Variants in ZBTB16 observed in about 807,000 individuals in gnomAD.
The protein encoded by ZBTB16 is zinc finger and BTB domain-containing protein 16.
ZBTB16 carries 8 observed loss-of-function variants against 56.8 expected under a neutral mutation model. The observed-to-expected ratio is 0.14, with a 90% confidence interval of 0.08 to 0.25. The LOEUF is 0.25. ZBTB16 is among the 10% of genes least tolerant of loss of function. The pLI, the probability that ZBTB16 is intolerant of heterozygous loss-of-function variation, is 1.00. For synonymous variants in ZBTB16, 363 were observed against 368.5 expected, an observed-to-expected ratio of 0.98 and a Z score of 0.17; for missense variants, 625 against 903.0, an observed-to-expected ratio of 0.69 and a Z score of 3.95.
At chr11:114,214,477 T>C (rs1319813088) in intron 4 of ZBTB16, among the ~76,000 whole-genome samples, 2 of 152,364 alleles carry the variant, frequency 1.3e-5, no homozygotes, top group East Asian at 3.9e-4. Context: ...TTGTATTAAC[T>C]CTCACAGCAG....
intron 2 of ZBTB16, among the ~76,000 whole-genome samples, chr11:114,140,418 G>A (rs1941915549): frequency 6.6e-6 from 1 of 152,150 alleles, no homozygotes; most frequent in African/African-American, 2.4e-5. Flanking sequence ...TTATGCTTTG[G>A]TTGTATCCTT....
intron 2 of ZBTB16, among the ~76,000 whole-genome samples, chr11:114,065,447 G>T (rs577021358): frequency 6.6e-5 from 10 of 151,282 alleles, no homozygotes; most frequent in African/African-American, 1.7e-4. Flanking sequence ...GTGAAGTTTC[G>T]CTCTCCTTGC....
Position 114,123,033 on chromosome 11 carries a change from G to A in ZBTB16, c.1269-33304G>A, listed in dbSNP as rs143582769. Among the ~76,000 whole-genome samples, 17 of 152,230 alleles carry A rather than the reference G, an allele frequency of 1.1e-4. No homozygotes were observed. The East Asian group carries it at 3.3e-3, about 29-fold the overall frequency. On this transcript the variant is annotated intron_variant, in intron 2 of 6. Coordinates refer to ENST00000335953, the MANE Select transcript of ZBTB16 (RefSeq NM_006006.6). The stretch of plus-strand genomic sequence containing the variant: ...GGGCTCTTTTTCTAGCTTGTTGATG[G>A]CCTCCTTCTCGCCGAGTCCTCCCAG...
At chr11:114,067,049 T>G (rs1371533795) in intron 2 of ZBTB16, among the ~76,000 whole-genome samples, 1 of 152,094 alleles carries the variant, frequency 6.6e-6, no homozygotes, top group Non-Finnish European at 1.5e-5. Context: ...GGATTACAGC[T>G]GTGAGCCACC....
intron 4 of ZBTB16, among the ~76,000 whole-genome samples, chr11:114,206,671 T>A (rs1256085112): frequency 2.0e-5 from 3 of 152,252 alleles, no homozygotes; most frequent in African/African-American, 7.2e-5. Flanking sequence ...AAATTAGGGC[T>A]CAGCCCGCTT....
intron 4 of ZBTB16, among the ~76,000 whole-genome samples, chr11:114,240,382 T>C (rs1260170590): frequency 1.3e-5 from 2 of 152,156 alleles, no homozygotes. Flanking sequence ...CTCTTCCCCC[T>C]ACCTTCCACC....
In ZBTB16 at chr11:114,255,419, CTCTT is replaced by C. The variant is rs3839948; in HGVS notation, c.*4868_*4871del. Among the ~76,000 whole-genome samples the C allele has an allele frequency of 0.35, 52,147 of 150,462 alleles. 9,815 individuals carry two copies. Among genetic ancestry groups the C allele is most frequent in the East Asian group, 0.63 (3,137 of 4,994 alleles). On this transcript the variant is annotated 3_prime_UTR_variant, in exon 7 of 7. Coordinates refer to ENST00000335953, the MANE Select transcript of ZBTB16 (RefSeq NM_006006.6). ...TTTTTGTACAAATCAATCTCTTTCT[CTCTT>C]TCTCTCCTCCCCACCTCTCACCCTT...
At chr11:114,218,311 T>C (rs1465725547) in intron 4 of ZBTB16, among the ~76,000 whole-genome samples, 1 of 152,162 alleles carries the variant, frequency 6.6e-6, no homozygotes, top group African/African-American at 2.4e-5. Context: ...TCTGTCGCAT[T>C]GTCTGGAGGG....
In ZBTB16 at chr11:114,242,252, G is replaced by A. The variant is rs1226441063; in HGVS notation, c.1539G>A (p.Ala513=). 5 of 1,614,046 alleles carry A rather than the reference G, an allele frequency of 3.1e-6. No individual in the cohort carries two copies. The highest frequency in any genetic ancestry group is 2.2e-5 in the East Asian group (1 of 44,888). ...TGCAGCAGCACATGGAGGTCCACGCGGGCGTGCGCAGCTACATCTGCAGTG... is the reference window on the plus strand; with the variant it reads ...TGCAGCAGCACATGGAGGTCCACGCAGGCGTGCGCAGCTACATCTGCAGTG... ...SALQQHMEVH[A]GVRSYICSEC... The change falls in exon 5 of 7, where the codon GCG becomes GCA. Residue 513 remains alanine (A), a synonymous_variant. Coordinates refer to ENST00000335953, the MANE Select transcript of ZBTB16 (RefSeq NM_006006.6).
At chr11:114,207,850 G>T (rs1036789988) in intron 4 of ZBTB16, among the ~76,000 whole-genome samples, 1 of 152,194 alleles carries the variant, frequency 6.6e-6, no homozygotes. Flanking sequence ...CTGACCTCAA[G>T]TGATCCTCCT....
intron 1 of ZBTB16, among the ~76,000 whole-genome samples, chr11:114,062,054 A>AG (rs1490456140): frequency 2.0e-5 from 3 of 151,730 alleles, no homozygotes; most frequent in Admixed American, 1.3e-4. Flanking sequence ...TGTGGGCAGG[A>AG]GGGTAGGTAC....
chr11:114,209,644 C>T, intron 4 of ZBTB16: 1 of 985,416 alleles, frequency 1.0e-6, no homozygotes, highest in Non-Finnish European at 1.2e-6. Flanking sequence ...TGACTATTCC[C>T]CCAACCAGGG....
intron 5 of ZBTB16, among the ~76,000 whole-genome samples, chr11:114,244,632 T>C (rs78213677): frequency 6.7e-6 from 1 of 148,150 alleles, no homozygotes; most frequent in East Asian, 2.0e-4. Flanking sequence ...TTTTTCTTTC[T>C]TTTTTTTTTG....
rs529557517 is a variant in ZBTB16, at chr11:114,246,361, G to A, written c.1625-837G>A. Among the ~76,000 whole-genome samples, 8 of 152,274 alleles carry A rather than the reference G, an allele frequency of 5.3e-5. No individual in the cohort carries two copies. In the South Asian group the frequency reaches 1.5e-3, roughly 28 times the overall value. On this transcript the variant is annotated intron_variant, in intron 5 of 6. Transcript: ENST00000335953. ...ATCCCAACTCAGCTCCTTACTTGCCGTTTCACCTTAGGGATGATGTGGAAG... is the reference window on the plus strand; with the variant it reads ...ATCCCAACTCAGCTCCTTACTTGCCATTTCACCTTAGGGATGATGTGGAAG...
At chr11:114,100,369 GC>G (rs1338024160) in intron 2 of ZBTB16, among the ~76,000 whole-genome samples, 1 of 152,198 alleles carries the variant, frequency 6.6e-6, no homozygotes, top group Non-Finnish European at 1.5e-5. Context: ...AGCTGTGTCT[GC>G]ACAGCTGGTT....
At chr11:114,073,053 CAAA>C (rs11349665) in intron 2 of ZBTB16, among the ~76,000 whole-genome samples, 17 of 69,928 alleles carry the variant, frequency 2.4e-4, no homozygotes, top group Admixed American at 4.4e-4. Flanking sequence ...GAGACTGTCT[CAAA>C]AAAAAAAAAA....
rs1434324251 is a variant in ZBTB16 at position 114,060,627 on chromosome 11, C to T, written c.-91+745C>T. On this transcript the variant is annotated intron_variant, in intron 1 of 6. Coordinates refer to ENST00000335953, the MANE Select transcript of ZBTB16 (RefSeq NM_006006.6). This position sits in a 1 kb window ranked among gnomAD's most constrained non-coding sequence, Gnocchi z 6.0. Reference sequence around the variant, plus strand: ...CACCTGATGCGTTCGGGATGCCTTTCCCACCCTGGCGCGCCCGCCGCTAGC... The same window carrying T: ...CACCTGATGCGTTCGGGATGCCTTTTCCACCCTGGCGCGCCCGCCGCTAGC... 2.0e-5 allele frequency: 3 copies of T among 152,078 alleles called. No individual in the cohort carries two copies. The highest frequency in any genetic ancestry group is 4.4e-5 in the Non-Finnish European group (3 of 68,042). 9.4% of individuals were successfully genotyped at this position (152,078 alleles called of 1,614,324 possible).
intron 4 of ZBTB16, among the ~76,000 whole-genome samples, chr11:114,201,346 C>CT (rs1020222226): frequency 6.6e-6 from 1 of 152,038 alleles, no homozygotes; most frequent in African/African-American, 2.4e-5. Context: ...TTGGAGGTGT[C>CT]TAAGTTAAGG....
chr11:114,068,312 G>A (rs1297500792), intron 2 of ZBTB16, among the ~76,000 whole-genome samples: 2 of 152,164 alleles, frequency 1.3e-5, no homozygotes, highest in Non-Finnish European at 2.9e-5. Context: ...AAGGCAGGGA[G>A]TTTATTATGG....
Sources: gnomAD v4.1 joint callset for allele counts (sites outside exome capture counted in the v4.1 genomes callset) on GRCh38, gnomAD v4.1.1 for gene constraint, Gnocchi (gnomAD v3.1) non-coding constraint, MANE v1.5 for transcripts, NCBI Gene and HGNC (gene_info 2026-07-23, HGNC 2026-07-21) for gene names.